TLK2: variants seen among roughly 807,000 people sequenced by gnomAD.
The protein encoded by TLK2 is serine/threonine-protein kinase tousled-like 2.
Under a neutral mutation model 117.3 loss-of-function variants are expected in TLK2, and 6 were observed. That is an observed-to-expected ratio of 0.05 (90% CI 0.03 to 0.10). TLK2 has a LOEUF of 0.10. Among genes scored for constraint, TLK2 ranks in the 10% least tolerant of loss-of-function variants. The pLI, the probability that TLK2 is intolerant of heterozygous loss-of-function variation, is 1.00. For missense variants in TLK2, 299 were observed against 901.2 expected (o/e 0.33, Z 8.56); for synonymous variants, 257 against 316.7 (o/e 0.81, Z 2.00).
At chr17:62,607,921 G>A (rs2083436906) in intron 20 of TLK2, 120 bp from the exon 21 acceptor site, 1 of 776,220 alleles carries the variant, frequency 1.3e-6, no homozygotes, top group Non-Finnish European at 2.1e-6. Context: ...TGTCTCCAGA[G>A]TTCCTTGCAG....
intron 15 of TLK2, among the ~76,000 whole-genome samples, chr17:62,581,438 C>CTTT (rs11334252): frequency 1.6e-5 from 2 of 121,298 alleles, no homozygotes; most frequent in African/African-American, 3.2e-5. Context: ...ATTCTAGTAT[C>CTTT]TTTTTTTTTT....
intron 7 of TLK2, among the ~76,000 whole-genome samples, chr17:62,549,307 G>C (rs1490639520): frequency 7.0e-6 from 1 of 141,868 alleles, no homozygotes; most frequent in Non-Finnish European, 1.5e-5. Flanking sequence ...GCTGAGTCAG[G>C]AGAACGGCGT....
chr17:62,522,925 A>G (rs774065746), intron 4 of TLK2, among the ~76,000 whole-genome samples: 2 of 152,172 alleles, frequency 1.3e-5, no homozygotes, highest in Admixed American at 6.5e-5. Flanking sequence ...GCTGTGAAAA[A>G]TTCTTCCTTT....
In TLK2 at chr17:62,548,240, ATG is replaced by A. The variant is rs59375141; in HGVS notation, c.532-4028_532-4027del. Among the ~76,000 whole-genome samples, 972 of 121,276 alleles carry A rather than the reference ATG, an allele frequency of 8.0e-3. 14 individuals are homozygous for A. The highest frequency in any genetic ancestry group is 0.029 in the African/African-American group (929 of 32,428). 79.6% of individuals were successfully genotyped at this position (121,276 alleles called of 152,430 possible). On this transcript the variant is annotated intron_variant, in intron 7 of 21. Coordinates refer to ENST00000346027, the MANE Select transcript of TLK2 (RefSeq NM_006852.6). ...TTATCATTGGGCCATATATATATAT[ATG>A]TGTGTGTGTGTGTGTGTGTGTGTGT...
chr17:62,559,824 G>GATATGTT (rs1227068619), intron 9 of TLK2, among the ~76,000 whole-genome samples, 192 bp from the exon 10 acceptor site: 1 of 152,104 alleles, frequency 6.6e-6, no homozygotes, highest in Admixed American at 6.6e-5. Context: ...ACAAATAGAT[G>GATATGTT]ATATGTTATG....
upstream of TLK2, among the ~76,000 whole-genome samples, chr17:62,474,902 C>T (rs17399896): frequency 2.7e-5 from 4 of 150,284 alleles, no homozygotes; most frequent in Non-Finnish European, 3.0e-5. Flanking sequence ...CCTCAAGCAA[C>T]CCTCCTGCCT....
rs142503783 is a variant in TLK2, at chr17:62,606,028, G to A, written c.1860-102G>A. ...CTCCAAAAAAAAAAAAAAAAAAAAC[G>A]ATATTTCTATTTTCAACAAGATATT... is the stretch of plus-strand genomic sequence containing the variant. On this transcript the variant is annotated intron_variant, in intron 19 of 21. Coordinates refer to ENST00000346027, the MANE Select transcript of TLK2 (RefSeq NM_006852.6). 1,314 of 278,356 alleles carry A rather than the reference G, an allele frequency of 4.7e-3. 16 individuals are homozygous for A. The highest frequency in any genetic ancestry group is 0.028 in the African/African-American group (1,128 of 40,332). The allele number at this position is 278,356 out of a possible 1,614,324, so 17.2% of individuals were successfully genotyped here. A position where few individuals can be genotyped will look rare whatever the true frequency, so the allele number is the denominator to read the frequency against.
chr17:62,486,925 T>A (rs1270725209), intron 2 of TLK2, among the ~76,000 whole-genome samples: 1 of 152,244 alleles, frequency 6.6e-6, no homozygotes, highest in African/African-American at 2.4e-5. Context: ...TATAGCCATG[T>A]CAATGATCAT....
chr17:62,600,411 G>A (rs1424277793), intron 17 of TLK2: 10 of 411,452 alleles, frequency 2.4e-5, no homozygotes, highest in Non-Finnish European at 4.3e-5. Context: ...GTCTGCCATG[G>A]GTGAACTTGA....
At chr17:62,477,573 T>C (rs919223904), upstream of TLK2, 16 of 152,180 alleles carry the variant, frequency 1.1e-4, no homozygotes, top group African/African-American at 3.6e-4. Flanking sequence ...GGGGAGTACT[T>C]GTCTAACCCT....
Position 62,520,767 on chromosome 17 carries a change from T to C in TLK2, c.82-6T>C. On this transcript the variant is annotated splice_polypyrimidine_tract_variant and splice_region_variant and intron_variant, in intron 2 of 21. Transcript: ENST00000346027. ...TTTATTTATTTATGATTTTTTTTTC[T>C]TTCAGGGACCACTTAATAGTGAGTC... 6.2e-7 allele frequency: 1 copy of C among 1,611,224 alleles called. No homozygotes were observed. Among genetic ancestry groups the C allele is most frequent in the South Asian group, 1.1e-5 (1 of 90,314 alleles).
chr17:62,540,042 C>T (rs2077395792), intron 7 of TLK2, among the ~76,000 whole-genome samples: 1 of 151,694 alleles, frequency 6.6e-6, no homozygotes, highest in African/African-American at 2.4e-5. Flanking sequence ...CCTCCTCCTC[C>T]TCCTCCTCTT....
chr17:62,579,251 A>G (rs1204513051), intron 14 of TLK2, among the ~76,000 whole-genome samples: 1 of 152,154 alleles, frequency 6.6e-6, no homozygotes, highest in Non-Finnish European at 1.5e-5. Flanking sequence ...CTCTCTGTGT[A>G]TCAGGCTTGG....
At chr17:62,489,455 A>G (rs1377056015) in intron 2 of TLK2, among the ~76,000 whole-genome samples, 3 of 151,962 alleles carry the variant, frequency 2.0e-5, no homozygotes, top group Non-Finnish European at 4.4e-5. Context: ...GCGATCCGCC[A>G]GCCTTGGCCT....
At chr17:62,564,941 G>A in intron 10 of TLK2, 60 bp from the exon 11 acceptor site, 1 of 1,545,840 alleles carries the variant, frequency 6.5e-7, no homozygotes, top group South Asian at 1.3e-5. Context: ...TAGTTTCTAA[G>A]AAGTGTCTTT....
chr17:62,554,752 G>GTT (rs1268447219), intron 9 of TLK2, among the ~76,000 whole-genome samples: 1 of 151,976 alleles, frequency 6.6e-6, no homozygotes, highest in East Asian at 1.9e-4. Context: ...ATGGTGGTGT[G>GTT]TCTGTGGTCC....
chr17:62,475,925 G>C (rs2071032707), upstream of TLK2, among the ~76,000 whole-genome samples: 1 of 152,034 alleles, frequency 6.6e-6, no homozygotes, highest in Non-Finnish European at 1.5e-5. Context: ...CTCCCAAAAT[G>C]CTGTGATTAC....
chr17:62,521,935 T>G (rs1459408268), intron 3 of TLK2, among the ~76,000 whole-genome samples: 1 of 152,174 alleles, frequency 6.6e-6, no homozygotes, highest in Non-Finnish European at 1.5e-5. Flanking sequence ...ATTAAATATC[T>G]TATGAAGGTT....
At chr17:62,604,123 G>C (rs986077379) in intron 19 of TLK2, among the ~76,000 whole-genome samples, 2 of 151,908 alleles carry the variant, frequency 1.3e-5, no homozygotes, top group Non-Finnish European at 2.9e-5. Flanking sequence ...TCCTGCCTCA[G>C]CCTCTCAAGT....
Sources: allele counts gnomAD v4.1 joint callset (sites outside exome capture counted in the v4.1 genomes callset), GRCh38; gene constraint gnomAD v4.1.1; transcripts MANE v1.5; gene names NCBI Gene and HGNC (gene_info 2026-07-23, HGNC 2026-07-21).